Variants in UGT1A3 observed in about 807,000 individuals in gnomAD.
UGT1A3 encodes UDP glucuronosyltransferase family 1 member A3.
A neutral mutation model predicts 41.0 loss-of-function variants in UGT1A3; 31 were observed. That is an observed-to-expected ratio of 0.76 (90% CI 0.57 to 1.02). UGT1A3 has a LOEUF of 1.02. Ranked by LOEUF, UGT1A3 falls within the 50% of genes least tolerant of loss-of-function variation. The pLI, the probability that UGT1A3 is intolerant of heterozygous loss-of-function variation, is 0.00. For synonymous variants in UGT1A3, 262 were observed against 257.6 expected (o/e 1.02, Z -0.17); for missense variants, 737 against 671.0 (o/e 1.10, Z -1.09).
chr2:233,729,567 T>C lies in UGT1A3; in HGVS notation c.441T>C (p.Asp147=), dbSNP rs764515587. The C allele has an allele frequency of 1.4e-5, 23 of 1,614,054 alleles. No individual in the cohort carries two copies. The highest frequency in any genetic ancestry group is 1.7e-5 in the Non-Finnish European group (20 of 1,180,026). Reference sequence around the variant, plus strand: ...GGCACCTGAATGCTACTTCCTTTGATGTGGTTTTAACAGACCCCGTTAACC... The same window carrying C: ...GGCACCTGAATGCTACTTCCTTTGACGTGGTTTTAACAGACCCCGTTAACC... The part of the protein sequence containing the change: ...LIRHLNATSF[D]VVLTDPVNLC... The change falls in exon 1 of 5, where the codon GAT becomes GAC. Residue 147 remains aspartate, a synonymous_variant. Transcript: ENST00000482026.
chr2:233,763,254 T>C (rs1698269941), intron 1 of UGT1A3, among the ~76,000 whole-genome samples: 1 of 152,240 alleles, frequency 6.6e-6, no homozygotes, highest in Non-Finnish European at 1.5e-5. Context: ...TAGTAACCTG[T>C]TTTGTCTTGT....
intron 3 of UGT1A3, 26 bp downstream of exon 3, chr2:233,767,962 G>A: frequency 5.0e-6 from 8 of 1,614,120 alleles, no homozygotes; most frequent in Non-Finnish European, 5.9e-6. Flanking sequence ...TGGATGTATA[G>A]GTCAAACCAG....
rs1173929998 is a variant in UGT1A3, at chr2:233,772,412, G to A, written c.1458G>A (p.Gln486=). The change falls in exon 5 of 5, where the codon CAG becomes CAA. Residue 486 remains glutamine (Q), a synonymous_variant. Transcript: ENST00000482026. The part of the protein sequence containing the change: ...RPAAHDLTWY[Q]YHSLDVIGFL... Reference sequence around the variant, plus strand: ...CAGCCCACGACCTCACCTGGTACCAGTACCATTCCTTGGACGTGATTGGTT... The same window carrying A: ...CAGCCCACGACCTCACCTGGTACCAATACCATTCCTTGGACGTGATTGGTT... 3 of 1,614,244 alleles carry A rather than the reference G, an allele frequency of 1.9e-6. No individual in the cohort carries two copies. The highest frequency in any genetic ancestry group is 1.7e-5 in the Admixed American group (1 of 60,028).
intron 1 of UGT1A3, among the ~76,000 whole-genome samples, 167 bp from the exon 2 acceptor site, chr2:233,766,867 G>A (rs568299850): frequency 5.3e-5 from 8 of 152,308 alleles, no homozygotes; most frequent in African/African-American, 1.7e-4. Flanking sequence ...AAGTAAAGGA[G>A]AGGAAAATGC....
chr2:233,770,501 T>C (rs956860149), intron 4 of UGT1A3: 6 of 151,776 alleles, frequency 4.0e-5, no homozygotes, highest in African/African-American at 1.5e-4. Context: ...CAAAAAAATA[T>C]AAAAAAATTA....
intron 1 of UGT1A3, 77 bp from the exon 2 acceptor site, chr2:233,766,957 C>A: frequency 6.2e-7 from 1 of 1,604,766 alleles, no homozygotes; most frequent in East Asian, 2.2e-5. Context: ...AGGAAGATAT[C>A]TAATTCATAA....
At chr2:233,738,047 C>T (rs1690670574) in intron 1 of UGT1A3, among the ~76,000 whole-genome samples, 1 of 152,068 alleles carries the variant, frequency 6.6e-6, no homozygotes, top group Non-Finnish European at 1.5e-5. Flanking sequence ...GTGTTGAGGA[C>T]AGGACATGGT....
At chr2:233,751,910 A>T (rs1006806920) in intron 1 of UGT1A3, among the ~76,000 whole-genome samples, 1 of 152,180 alleles carries the variant, frequency 6.6e-6, no homozygotes. Flanking sequence ...AGAACAGACT[A>T]ATACAAGATT....
chr2:233,761,127 C>A lies in UGT1A3; in HGVS notation c.868-5907C>A, dbSNP rs281865418. 1.2e-6 allele frequency: 2 copies of A among 1,614,174 alleles called. No individual in the cohort carries two copies. Among genetic ancestry groups the A allele is most frequent in the South Asian group, 1.1e-5 (1 of 91,074 alleles). On this transcript the variant is annotated intron_variant, in intron 1 of 4. Transcript: ENST00000482026. ...TGGTTTTTGTTGGTGGAATCAACTGCCTTCACCAAAATCCACTATCCCAGG... is the reference window on the plus strand; with the variant it reads ...TGGTTTTTGTTGGTGGAATCAACTGACTTCACCAAAATCCACTATCCCAGG...
rs930932436 is a variant in UGT1A3 at position 233,769,919 on chromosome 2, G to A, written c.1307+1480G>A. The A allele has an allele frequency of 1.0e-5, 3 of 286,172 alleles. No individual in the cohort carries two copies. Among genetic ancestry groups the A allele is most frequent in the Non-Finnish European group, 1.3e-5 (2 of 153,080 alleles). 17.7% of individuals were successfully genotyped at this position (286,172 alleles called of 1,614,324 possible). A position where few individuals can be genotyped will look rare whatever the true frequency, so the allele number is the denominator to read the frequency against. Reference sequence around the variant, plus strand: ...GAGCATCATGTGCCCAGAGCGTTGGGTGGTGTGGTCCCATTCCTTCCTTCC... The same window carrying A: ...GAGCATCATGTGCCCAGAGCGTTGGATGGTGTGGTCCCATTCCTTCCTTCC... On this transcript the variant is annotated intron_variant, in intron 4 of 4. Coordinates refer to ENST00000482026, the MANE Select transcript of UGT1A3 (RefSeq NM_019093.4). This position sits in a 1 kb window ranked among gnomAD's most constrained non-coding sequence, Gnocchi z 4.4.
chr2:233,729,554 C>T lies in UGT1A3; in HGVS notation c.428C>T (p.Ala143Val). Residue 143 changes from alanine (A) to valine (V), a missense_variant, in exon 1 of 5, where the codon GCT becomes GTT. Coordinates refer to ENST00000482026, the MANE Select transcript of UGT1A3 (RefSeq NM_019093.4). ...HNEALIRHLNATSFDVVLTDP... is the reference protein window; with the variant it reads ...HNEALIRHLNVTSFDVVLTDP... ...GAGGCCCTGATCAGGCACCTGAATG[C>T]TACTTCCTTTGATGTGGTTTTAACA... is the stretch of plus-strand genomic sequence containing the variant. 1 of 1,614,178 alleles carries T rather than the reference C, an allele frequency of 6.2e-7. No individual in the cohort carries two copies. Among genetic ancestry groups the T allele is most frequent in the Non-Finnish European group, 8.5e-7 (1 of 1,180,026 alleles).
chr2:233,747,283 C>A (rs1693610010), intron 1 of UGT1A3: 1 of 1,600,180 alleles, frequency 6.2e-7, no homozygotes, highest in Admixed American at 1.7e-5. Flanking sequence ...CAGTGCCCAG[C>A]CCTGGGCTGA....
chr2:233,739,651 G>A (rs1230499129), intron 1 of UGT1A3, among the ~76,000 whole-genome samples: 1 of 152,174 alleles, frequency 6.6e-6, no homozygotes, highest in African/African-American at 2.4e-5. Flanking sequence ...CCCAATTTCT[G>A]TACCCCCATT....
chr2:233,760,998 C>T (rs1369783317), intron 1 of UGT1A3: 2 of 1,614,036 alleles, frequency 1.2e-6, no homozygotes, highest in Non-Finnish European at 1.7e-6. Flanking sequence ...CCTCAGAATT[C>T]CTTCAGAGAG....
In UGT1A3 at chr2:233,747,787, C is replaced by T. The variant is rs1693777925; in HGVS notation, c.867+17794C>T. On this transcript the variant is annotated intron_variant, in intron 1 of 4. Coordinates refer to ENST00000482026, the MANE Select transcript of UGT1A3 (RefSeq NM_019093.4). ...GGCACACAGTGTCCAAATCCTTCCTCCTATATTCCTAAGTTACTAACGACC... is the reference window on the plus strand; with the variant it reads ...GGCACACAGTGTCCAAATCCTTCCTTCTATATTCCTAAGTTACTAACGACC... The T allele has an allele frequency of 6.8e-6, 11 of 1,613,400 alleles. No homozygotes were observed. The South Asian group carries it at 1.2e-4, about 18-fold the overall frequency.
chr2:233,770,514 C>T (rs191930447), intron 4 of UGT1A3: 1 of 152,136 alleles, frequency 6.6e-6, no homozygotes, highest in Non-Finnish European at 1.5e-5. Flanking sequence ...AAAAATTACC[C>T]AGGCATGGTG....
intron 4 of UGT1A3, 106 bp from the exon 5 acceptor site, chr2:233,772,156 C>G: frequency 6.4e-7 from 1 of 1,560,932 alleles, no homozygotes; most frequent in Non-Finnish European, 8.7e-7. Context: ...GTTTCCTTTC[C>G]CAAGTTTGGA....
intron 4 of UGT1A3, chr2:233,770,921 G>C (rs759022692): frequency 6.6e-6 from 1 of 152,192 alleles, no homozygotes; most frequent in Non-Finnish European, 1.5e-5. Context: ...GCTTAGTGCT[G>C]ACATCACTTG....
chr2:233,754,399 C>T (rs1054804), intron 1 of UGT1A3: 9,950 of 333,324 alleles, frequency 0.03, 183 homozygotes, highest in African/African-American at 0.05. Flanking sequence ...CCTATCCGTG[C>T]AGTCCCAACA....
Sources: gnomAD v4.1 joint callset for allele counts (sites outside exome capture counted in the v4.1 genomes callset) on GRCh38, gnomAD v4.1.1 for gene constraint, Gnocchi (gnomAD v3.1) non-coding constraint, MANE v1.5 for transcripts, NCBI Gene and HGNC (gene_info 2026-07-23, HGNC 2026-07-21) for gene names.